SLC2A9: variants seen among roughly 807,000 people sequenced by gnomAD.
The protein encoded by SLC2A9 is solute carrier family 2 member 9, also known as solute carrier family 2, facilitated glucose transporter member 9.
Under a neutral mutation model 50.6 loss-of-function variants are expected in SLC2A9, and 39 were observed. That is an observed-to-expected ratio of 0.77 (90% CI 0.60 to 1.01). The LOEUF is 1.01. SLC2A9 is among the 50% of genes least tolerant of loss of function. The pLI is 0.00. For synonymous variants in SLC2A9, 324 were observed against 276.9 expected, an observed-to-expected ratio of 1.17 and a Z score of -1.69; for missense variants, 686 against 677.6, an observed-to-expected ratio of 1.01 and a Z score of -0.14.
At chr4:9,819,848 C>T (rs191680336) in intron 3 of SLC2A9, among the ~76,000 whole-genome samples, 22 of 152,286 alleles carry the variant, frequency 1.4e-4, no homozygotes, top group African/African-American at 4.3e-4. Context: ...GCAGGAGAAT[C>T]GCTTGAACCC....
chr4:9,796,540 C>T (rs550775065), downstream of SLC2A9, among the ~76,000 whole-genome samples: 1 of 152,266 alleles, frequency 6.6e-6, no homozygotes, highest in East Asian at 1.9e-4. Flanking sequence ...AGAACAATAC[C>T]TGGTGTGTTG....
intron 3 of SLC2A9, chr4:9,783,406 C>T (rs775206734): frequency 5.6e-6 from 9 of 1,613,960 alleles, no homozygotes; most frequent in Admixed American, 1.7e-5. Flanking sequence ...AGCTGGACTG[C>T]GAGGGGGAGA....
intron 5 of SLC2A9, among the ~76,000 whole-genome samples, chr4:9,953,233 C>T (rs1036650066): frequency 2.0e-5 from 3 of 152,176 alleles, no homozygotes; most frequent in Admixed American, 1.3e-4. Context: ...TGCCTCTTGG[C>T]CATGGGTAGG....
intron 5 of SLC2A9, among the ~76,000 whole-genome samples, chr4:9,980,319 A>G (rs1371095699): frequency 6.6e-6 from 1 of 152,256 alleles, no homozygotes; most frequent in East Asian, 1.9e-4. Flanking sequence ...TAAAGCACAG[A>G]AGATGCCTAA....
intron 3 of SLC2A9, among the ~76,000 whole-genome samples, chr4:9,806,313 C>A (rs934908320): frequency 1.1e-4 from 17 of 152,268 alleles, no homozygotes; most frequent in African/African-American, 4.1e-4. Flanking sequence ...TCTTAAACAA[C>A]AAACAACAGC....
intron 2 of SLC2A9, among the ~76,000 whole-genome samples, chr4:10,017,092 C>T (rs1762731650): frequency 6.6e-6 from 1 of 152,236 alleles, no homozygotes; most frequent in African/African-American, 2.4e-5. Context: ...CATGACTCAG[C>T]TCAAATACCA....
At chr4:9,814,561 G>C (rs1419942119) in intron 3 of SLC2A9, among the ~76,000 whole-genome samples, 1 of 152,142 alleles carries the variant, frequency 6.6e-6, no homozygotes, top group Non-Finnish European at 1.5e-5. Context: ...TCTGTGAATT[G>C]ATTGTGTTCT....
At chr4:9,844,734 G>C (rs1029451361) in intron 10 of SLC2A9, among the ~76,000 whole-genome samples, 5 of 152,234 alleles carry the variant, frequency 3.3e-5, no homozygotes, top group Admixed American at 2.6e-4. Context: ...TTTCTCCAGA[G>C]ATAAACCTGA....
At chr4:9,946,236 AATTATCTTGTTCT>A (rs1017872829) in intron 5 of SLC2A9, among the ~76,000 whole-genome samples, 3 of 94,346 alleles carry the variant, frequency 3.2e-5, no homozygotes, top group South Asian at 2.9e-4. Context: ...TGGGCTTTGC[AATTATCTTGTTCT>A]ATTATCTTGT....
chr4:10,003,109 C>G (rs1282371201), intron 2 of SLC2A9, among the ~76,000 whole-genome samples: 1 of 152,128 alleles, frequency 6.6e-6, no homozygotes, highest in Non-Finnish European at 1.5e-5. Flanking sequence ...AATGAGTATC[C>G]AGGACTTCAC....
intron 2 of SLC2A9, chr4:10,006,815 G>A (rs1216288455): frequency 3.3e-5 from 5 of 152,074 alleles, no homozygotes; most frequent in African/African-American, 1.2e-4. Context: ...CTGTCTCAGT[G>A]TGGTTTATAT....
chr4:9,908,226 T>A lies in SLC2A9; in HGVS notation c.1113+9A>T. 6.3e-7 allele frequency: 1 copy of A among 1,595,764 alleles called. No individual in the cohort carries two copies. Among genetic ancestry groups the A allele is most frequent in the Non-Finnish European group, 8.6e-7 (1 of 1,163,344 alleles). The stretch of plus-strand genomic sequence containing the variant: ...TGGCATTCTCAGGAGTAACCCTCAG[T>A]TGACTTACAGAGAAGACGGCAGCCA... On this transcript the variant is annotated intron_variant, in intron 8 of 11. Transcript: ENST00000264784.
At chr4:10,020,214 A>C (rs1763343512) in intron 1 of SLC2A9, among the ~76,000 whole-genome samples, 1 of 152,058 alleles carries the variant, frequency 6.6e-6, no homozygotes, top group Admixed American at 6.5e-5. Context: ...CTGCTCTGCC[A>C]GTCTCGTTTG....
At chr4:9,786,166 C>T (rs1253987402) in intron 3 of SLC2A9, among the ~76,000 whole-genome samples, 4 of 152,118 alleles carry the variant, frequency 2.6e-5, no homozygotes, top group Admixed American at 2.6e-4. Context: ...ATGATGGAGA[C>T]CCAGCCTGAG....
rs528234854 is a variant in SLC2A9, at chr4:9,934,740, C to T, written c.814+7173G>A. ...ACATCTGCCATGGCGGTTTGCTGTA[C>T]CTATCAACCTGTCGTCTAGGTTTTA... On this transcript the variant is annotated intron_variant, in intron 6 of 11. Coordinates refer to ENST00000264784, the MANE Select transcript of SLC2A9 (RefSeq NM_020041.3). Among the ~76,000 whole-genome samples, 9 of 152,154 alleles carry T rather than the reference C, an allele frequency of 5.9e-5. No individual in the cohort carries two copies. The South Asian group carries it at 1.9e-3, about 32-fold the overall frequency.
At chr4:9,813,502 C>T (rs976073417) in intron 3 of SLC2A9, among the ~76,000 whole-genome samples, 1 of 152,212 alleles carries the variant, frequency 6.6e-6, no homozygotes, top group African/African-American at 2.4e-5. Context: ...CTTCACAAGG[C>T]ACCCATCACA....
chr4:9,892,659 G>T (rs1343841200), intron 8 of SLC2A9, among the ~76,000 whole-genome samples: 3 of 152,190 alleles, frequency 2.0e-5, no homozygotes, highest in African/African-American at 7.2e-5. Flanking sequence ...TAAAGCGAAA[G>T]AACTCACAAT....
In SLC2A9 at chr4:9,879,124, G is replaced by A; in HGVS notation, c.1291+8443C>T. ...TCTTGTCTTTGAAGCAGTCCCTGAT[G>A]TTAGGAGGACTGACCAACCATGGCC... On this transcript the variant is annotated intron_variant, in intron 10 of 11. Transcript: ENST00000264784. 3.2e-6 allele frequency: 3 copies of A among 935,490 alleles called. No homozygotes were observed. The South Asian group carries it at 1.5e-4, about 47-fold the overall frequency. The allele number at this position is 935,490 out of a possible 1,614,324, so 57.9% of individuals were successfully genotyped here.
At chr4:9,906,248 C>T (rs575371383) in intron 8 of SLC2A9, among the ~76,000 whole-genome samples, 49 of 152,276 alleles carry the variant, frequency 3.2e-4, no homozygotes, top group Non-Finnish European at 6.6e-4. Flanking sequence ...AGACACAGAG[C>T]TGGGACTGGA....
Sources: allele counts gnomAD v4.1 joint callset (sites outside exome capture counted in the v4.1 genomes callset), GRCh38; gene constraint gnomAD v4.1.1; transcripts MANE v1.5; gene names NCBI Gene and HGNC (gene_info 2026-07-23, HGNC 2026-07-21).